The following CEP44 variants were observed in gnomAD, a reference collection of about 807,000 sequenced individuals.
CEP44 encodes the protein centrosomal protein of 44 kDa.
Under a neutral mutation model 46.7 loss-of-function variants are expected in CEP44, and 45 were observed. The observed-to-expected ratio is 0.96, with a 90% CI of 0.76 to 1.24. The LOEUF is 1.24. Ranked by LOEUF, CEP44 falls within the 50% of genes most tolerant of loss-of-function variation. The pLI is 0.00. For missense variants in CEP44, 475 were observed against 459.7 expected (o/e 1.03, Z -0.30); for synonymous variants, 142 against 146.0 (o/e 0.97, Z 0.20).
chr4:174,332,839 A>C (rs1397753749), exon 9 of CEP44: 1 of 152,144 alleles, frequency 6.6e-6, no homozygotes, highest in Admixed American at 6.6e-5. Flanking sequence ...GTTTGTTCCT[A>C]GTTGGAGGGA....
intron 10 of CEP44, 30 bp from the exon 11 acceptor site, chr4:174,316,500 C>T (rs772826570): frequency 6.4e-6 from 10 of 1,552,734 alleles, no homozygotes; most frequent in Admixed American, 1.8e-5. Flanking sequence ...TTTGAGAAAT[C>T]ATCTAAATTT....
intron 10 of CEP44, 76 bp downstream of exon 10, chr4:174,316,366 T>C: frequency 6.7e-7 from 1 of 1,488,670 alleles, no homozygotes; most frequent in South Asian, 1.2e-5. Flanking sequence ...TAAATATTGC[T>C]AGCAAGAAAA....
chr4:174,321,890 A>G (rs994855753), downstream of CEP44, among the ~76,000 whole-genome samples: 2 of 152,180 alleles, frequency 1.3e-5, no homozygotes, highest in African/African-American at 4.8e-5. Flanking sequence ...AGGTGCAAAG[A>G]GAGCGAGAGG....
At chr4:174,283,861 C>T (rs1737221922), upstream of CEP44, 2 of 398,830 alleles carry the variant, frequency 5.0e-6, no homozygotes, top group Non-Finnish European at 8.8e-6. This position sits in a 1 kb window ranked among gnomAD's most constrained non-coding sequence, Gnocchi z 6.7. Context: ...TCGCTCTTCA[C>T]AGGAGTCTTG....
intron 1 of CEP44, among the ~76,000 whole-genome samples, chr4:174,289,741 C>A (rs1737966551): frequency 6.6e-6 from 1 of 151,672 alleles, no homozygotes; most frequent in South Asian, 2.1e-4. Context: ...TATTTCTAAT[C>A]TAATCTTTAT....
rs979828000 is a variant in CEP44 at position 174,290,989 on chromosome 4, A to G, written c.-147-6977A>G. Among the ~76,000 whole-genome samples the G allele has an allele frequency of 6.6e-6, 1 of 152,150 alleles. No individual in the cohort carries two copies. Among genetic ancestry groups the G allele is most frequent in the African/African-American group, 2.4e-5 (1 of 41,448 alleles). On this transcript the variant is annotated intron_variant, in intron 1 of 11. Coordinates refer to ENST00000503780, the MANE Select transcript of CEP44 (RefSeq NM_001040157.3). This position sits in a 1 kb window ranked among gnomAD's most constrained non-coding sequence, Gnocchi z 4.3. ...CTGCTCTCTTTTGGTTATAGTTTGC[A>G]TGGAATATCTTTCTCAATCCCTTCA...
chr4:174,308,553 T>G, intron 6 of CEP44, 136 bp from the exon 7 acceptor site: 1 of 783,310 alleles, frequency 1.3e-6, no homozygotes, highest in Non-Finnish European at 2.0e-6. Flanking sequence ...TGAAATAATC[T>G]GCACAACAAA....
chr4:174,322,670 T>A (rs559619874), downstream of CEP44, among the ~76,000 whole-genome samples: 1 of 152,226 alleles, frequency 6.6e-6, no homozygotes, highest in African/African-American at 2.4e-5. Flanking sequence ...ACATAGGACA[T>A]TCTCATTTTA....
chr4:174,303,682 A>G (rs746771287), intron 4 of CEP44, 21 bp from the exon 5 acceptor site: 6 of 1,465,792 alleles, frequency 4.1e-6, no homozygotes, highest in Non-Finnish European at 5.6e-6. Flanking sequence ...CAATTATTAC[A>G]AGAGTCTGTT....
In CEP44 at chr4:174,319,536, T is replaced by A; in HGVS notation, c.*2153T>A. On this transcript the variant is annotated 3_prime_UTR_variant, in exon 12 of 12. Coordinates refer to ENST00000503780, the MANE Select transcript of CEP44 (RefSeq NM_001040157.3). ...AGTCTCTTTCTACCCTTTCTTTTTT[T>A]CTTTATATAGTGCAGATATACACAC... 2.3e-6 allele frequency: 2 copies of A among 857,074 alleles called. No individual in the cohort carries two copies. The highest frequency in any genetic ancestry group is 2.8e-6 in the Non-Finnish European group (2 of 713,124). 53.1% of individuals were successfully genotyped at this position (857,074 alleles called of 1,614,324 possible).
Position 174,310,846 on chromosome 4 carries a change from CT to C in CEP44, c.951del (p.Leu318Ter). ...CTACGCTTCTTGTAGTGACATGGAC[CT>C]TCTGAATCCTCGTAAGTTTGTAAAT... Reference protein sequence around the residue: ...EDYASCSDMDLLNPHRKSEVE... With the variant: ...EDYASCSDMDXLNPHRKSEVE... On this transcript the variant is annotated frameshift_variant, in exon 9 of 12. Transcript: ENST00000503780. LOFTEE classifies it high-confidence loss of function. This position sits in a 1 kb window ranked among gnomAD's most constrained non-coding sequence, Gnocchi z 4.2. 2 of 1,466,804 alleles carry C rather than the reference CT, an allele frequency of 1.4e-6. No homozygotes were observed. Among genetic ancestry groups the C allele is most frequent in the African/African-American group, 1.4e-5 (1 of 71,196 alleles). The allele number at this position is 1,466,804 out of a possible 1,614,324, so 90.9% of individuals were successfully genotyped here. A position where few individuals can be genotyped will look rare whatever the true frequency, so the allele number is the denominator to read the frequency against.
At chr4:174,292,384 G>A (rs1738335859) in intron 1 of CEP44, among the ~76,000 whole-genome samples, 2 of 152,160 alleles carry the variant, frequency 1.3e-5, no homozygotes, top group Admixed American at 6.5e-5. Context: ...GGCTTCGTGA[G>A]TCTGGATGTC....
rs1199000913 is a variant in CEP44 at position 174,297,060 on chromosome 4, A to G, written c.-147-906A>G. Reference sequence around the variant, plus strand: ...CTGCTTTCTTTTGATTAATGTTAGCATGGTATATTTTTCCCTATCCATTTA... The same window carrying G: ...CTGCTTTCTTTTGATTAATGTTAGCGTGGTATATTTTTCCCTATCCATTTA... On this transcript the variant is annotated intron_variant, in intron 1 of 11. Transcript: ENST00000503780. This position sits in a 1 kb window ranked among gnomAD's most constrained non-coding sequence, Gnocchi z 4.3. 6.6e-6 allele frequency among the ~76,000 whole-genome samples: 1 copy of G among 152,050 alleles called. No homozygotes were observed. Among genetic ancestry groups the G allele is most frequent in the Non-Finnish European group, 1.5e-5 (1 of 67,980 alleles).
chr4:174,286,750 C>T lies in CEP44; in HGVS notation c.-148+2807C>T, dbSNP rs1737626099. ...TAGTCATTTAGAAATAAATTCCATG[C>T]TATTACTTTTGGGGCAGTTTTTAAA... On this transcript the variant is annotated intron_variant, in intron 1 of 11. Transcript: ENST00000503780. This position sits in a 1 kb window ranked among gnomAD's most constrained non-coding sequence, Gnocchi z 5.2. 6.6e-6 allele frequency among the ~76,000 whole-genome samples: 1 copy of T among 152,128 alleles called. No homozygotes were observed. The highest frequency in any genetic ancestry group is 1.5e-5 in the Non-Finnish European group (1 of 68,020).
downstream of CEP44, among the ~76,000 whole-genome samples, chr4:174,324,279 C>G (rs1742513608): frequency 6.6e-6 from 1 of 151,906 alleles, no homozygotes; most frequent in Non-Finnish European, 1.5e-5. Context: ...GCTAACATAC[C>G]ACAATTTCAT....
rs915111864 is a variant in CEP44, at chr4:174,301,438, T to TA, written c.90-595dup. On this transcript the variant is annotated intron_variant, in intron 3 of 11. Coordinates refer to ENST00000503780, the MANE Select transcript of CEP44 (RefSeq NM_001040157.3). This position sits in a 1 kb window ranked among gnomAD's most constrained non-coding sequence, Gnocchi z 4.3. Reference sequence around the variant, plus strand: ...AGCTTGAGATTTGATGAATGATTTGTAAAAAATAAATAATAATTGGATAAG... The same window carrying TA: ...AGCTTGAGATTTGATGAATGATTTGTAAAAAAATAAATAATAATTGGATAAG... 8.5e-5 allele frequency among the ~76,000 whole-genome samples: 13 copies of TA among 152,112 alleles called. No individual in the cohort carries two copies. Among genetic ancestry groups the TA allele is most frequent in the African/African-American group, 1.7e-4 (7 of 41,444 alleles).
chr4:174,294,891 C>T (rs1385465956), intron 1 of CEP44, among the ~76,000 whole-genome samples: 1 of 142,964 alleles, frequency 7.0e-6, no homozygotes, highest in African/African-American at 2.6e-5. Flanking sequence ...GGGCGGCTGG[C>T]CGGGCAGATG....
downstream of CEP44, among the ~76,000 whole-genome samples, chr4:174,325,152 C>A (rs934948139): frequency 6.6e-6 from 1 of 152,102 alleles, no homozygotes; most frequent in African/African-American, 2.4e-5. The surrounding 1 kb of genome is among the most constrained non-coding windows in gnomAD (Gnocchi z 4.4). Flanking sequence ...ATTAGTATAT[C>A]TTCTTTGGTG....
In CEP44 at chr4:174,317,443, G is replaced by T. The variant is rs1467160128; in HGVS notation, c.*60G>T. ...TTACTATACATATTGTATATTTTAA[G>T]AATTCTTTATACAATTTTAATATAC... On this transcript the variant is annotated 3_prime_UTR_variant, in exon 12 of 12. Coordinates refer to ENST00000503780, the MANE Select transcript of CEP44 (RefSeq NM_001040157.3). 4 of 1,313,982 alleles carry T rather than the reference G, an allele frequency of 3.0e-6. No homozygotes were observed. The East Asian group carries it at 8.2e-5, about 27-fold the overall frequency. The allele number at this position is 1,313,982 out of a possible 1,614,324, so 81.4% of individuals were successfully genotyped here. A position where few individuals can be genotyped will look rare whatever the true frequency, so the allele number is the denominator to read the frequency against.
Sources: allele counts gnomAD v4.1 joint callset (sites outside exome capture counted in the v4.1 genomes callset), GRCh38; gene constraint gnomAD v4.1.1; non-coding constraint Gnocchi (gnomAD v3.1); transcripts MANE v1.5; gene names NCBI Gene and HGNC (gene_info 2026-07-23, HGNC 2026-07-21).